The following TNRC6C variants were observed in gnomAD, a reference collection of about 807,000 sequenced individuals.
The protein encoded by TNRC6C is trinucleotide repeat-containing gene 6C protein.
TNRC6C carries 20 observed loss-of-function variants against 153.7 expected under a neutral mutation model. That is an observed-to-expected ratio of 0.13 (90% confidence interval 0.09 to 0.19). The LOEUF (loss-of-function observed/expected upper bound fraction) is 0.19. Among genes scored for constraint, TNRC6C ranks in the 10% least tolerant of loss-of-function variants. The pLI is 1.00. For missense variants in TNRC6C, 1,987 were observed against 2,172.0 expected (o/e 0.91, Z 1.69); for synonymous variants, 811 against 841.4 (o/e 0.96, Z 0.63).
chr17:78,091,634 TG>T, intron 14 of TNRC6C, 27 bp downstream of exon 16: 1 of 1,462,584 alleles, frequency 6.8e-7, no homozygotes, highest in South Asian at 1.5e-5. Flanking sequence ...ATGCCTGTGG[TG>T]GGATCACTGC....
At chr17:77,997,549 A>G (rs1050246070) in intron 1 of TNRC6C, among the ~76,000 whole-genome samples, 1 of 152,116 alleles carries the variant, frequency 6.6e-6, no homozygotes, top group Non-Finnish European at 1.5e-5. Context: ...TCTGCACTTC[A>G]TTGAAACCAC....
At chr17:77,986,912 T>C (rs1214295613) in intron 1 of TNRC6C, among the ~76,000 whole-genome samples, 1 of 152,178 alleles carries the variant, frequency 6.6e-6, no homozygotes, top group Non-Finnish European at 1.5e-5. Flanking sequence ...AAATAAACTT[T>C]AAATGAAGTA....
At chr17:78,053,095 C>T (rs942683990) in intron 3 of TNRC6C, among the ~76,000 whole-genome samples, 7 of 152,036 alleles carry the variant, frequency 4.6e-5, no homozygotes, top group African/African-American at 1.7e-4. Context: ...TCACGTTGCC[C>T]CCCGACCCCT....
chr17:77,960,290 G>T (rs1489244706), intron 1 of TNRC6C, among the ~76,000 whole-genome samples: 4 of 152,194 alleles, frequency 2.6e-5, no homozygotes, highest in African/African-American at 7.2e-5. Context: ...TTAAGGAGTT[G>T]CAAGTTGGAG....
intron 1 of TNRC6C, among the ~76,000 whole-genome samples, chr17:78,029,942 A>T: frequency 6.7e-6 from 1 of 149,640 alleles, no homozygotes; most frequent in Non-Finnish European, 1.5e-5. Flanking sequence ...ATCTCCTGTG[A>T]TAACAATGAC....
exon 20 of TNRC6C, chr17:78,106,057 A>G (rs1445279015): frequency 2.2e-5 from 2 of 91,574 alleles, no homozygotes; most frequent in East Asian, 4.5e-4. Context: ...GTTAAAGAGA[A>G]AAAAAAAAAA....
intron 1 of TNRC6C, among the ~76,000 whole-genome samples, chr17:78,009,828 C>T (rs549278787): frequency 2.6e-5 from 4 of 152,260 alleles, no homozygotes; most frequent in Non-Finnish European, 5.9e-5. Flanking sequence ...GCTGGGATTA[C>T]AGGCGTGAGC....
intron 2 of TNRC6C, among the ~76,000 whole-genome samples, chr17:78,038,678 CAAAAAAAAA>C (rs751760738): frequency 1.6e-5 from 1 of 61,244 alleles, no homozygotes; most frequent in African/African-American, 5.2e-5. Flanking sequence ...GACTCCGTGT[CAAAAAAAAA>C]AAAAAAAAAA....
intron 1 of TNRC6C, among the ~76,000 whole-genome samples, chr17:78,028,509 T>C (rs187254081): frequency 1.3e-3 from 200 of 152,220 alleles, no homozygotes; most frequent in Non-Finnish European, 2.2e-3. Context: ...AGTGGGTTCA[T>C]CCAGGACTAA....
intron 1 of TNRC6C, among the ~76,000 whole-genome samples, chr17:77,984,722 C>T (rs972754822): frequency 6.6e-6 from 1 of 152,196 alleles, no homozygotes; most frequent in East Asian, 1.9e-4. Context: ...TCCCTGTTCC[C>T]TCTTCTAGGT....
At chr17:78,103,526 C>T (rs2073634565) in exon 19 of TNRC6C, 1 of 1,613,904 alleles carries the variant, frequency 6.2e-7, no homozygotes, top group Admixed American at 1.7e-5. Flanking sequence ...AAGGAGGAGG[C>T]TGCCAAGGCC....
rs141474678 is a variant in TNRC6C, at chr17:78,071,891, C to T, written c.2859+726C>T. Among the ~76,000 whole-genome samples, 12 of 152,214 alleles carry T rather than the reference C, an allele frequency of 7.9e-5. 2 individuals are homozygous for T. Among genetic ancestry groups the T allele is most frequent in the African/African-American group, 2.6e-4 (11 of 41,524 alleles). On this transcript the variant is annotated intron_variant, in intron 6 of 19. Coordinates refer to ENST00000301624, the Ensembl canonical transcript of TNRC6C. ...CTTAGTTCCTAAGTTTCCAGTCATACGTAGGGAGAATTCATAATTGTAGGG... is the reference window on the plus strand; with the variant it reads ...CTTAGTTCCTAAGTTTCCAGTCATATGTAGGGAGAATTCATAATTGTAGGG...
At chr17:77,977,936 T>C (rs1181385783) in intron 1 of TNRC6C, among the ~76,000 whole-genome samples, 1 of 147,490 alleles carries the variant, frequency 6.8e-6, no homozygotes, top group Non-Finnish European at 1.5e-5. Flanking sequence ...CGCTCTGTCG[T>C]GCAGGCTGGA....
intron 2 of TNRC6C, among the ~76,000 whole-genome samples, chr17:78,048,280 A>G (rs1356623284): frequency 5.9e-5 from 9 of 152,116 alleles, no homozygotes; most frequent in African/African-American, 2.2e-4. Flanking sequence ...ATAAGATAGC[A>G]TTGTCTCATA....
chr17:78,022,239 G>A (rs1224168524), intron 1 of TNRC6C, among the ~76,000 whole-genome samples: 2 of 152,206 alleles, frequency 1.3e-5, no homozygotes, highest in Non-Finnish European at 2.9e-5. Flanking sequence ...AGGGAAGACT[G>A]GTTAGGAATA....
chr17:78,050,241 T>C (rs1006128659), exon 3 of TNRC6C: 1 of 1,540,100 alleles, frequency 6.5e-7, no homozygotes, highest in Non-Finnish European at 8.7e-7. Context: ...CTTCTGGAAC[T>C]ACAGCAAGTG....
intron 18 of TNRC6C, 78 bp from the exon 22 acceptor site, chr17:78,103,336 A>C (rs1375082070): frequency 6.5e-7 from 1 of 1,547,390 alleles, no homozygotes; most frequent in Non-Finnish European, 8.8e-7. Flanking sequence ...ATCCAATTTC[A>C]TACGTTTTTT....
intron 1 of TNRC6C, among the ~76,000 whole-genome samples, chr17:77,977,235 T>G (rs180793093): frequency 6.6e-6 from 1 of 152,306 alleles, no homozygotes; most frequent in East Asian, 1.9e-4. Flanking sequence ...TACATATGTA[T>G]TTAGTAAATA....
intron 1 of TNRC6C, among the ~76,000 whole-genome samples, chr17:77,988,631 AC>A (rs1413066999): frequency 6.6e-6 from 1 of 152,202 alleles, no homozygotes; most frequent in Non-Finnish European, 1.5e-5. Context: ...TGTATTTCAA[AC>A]AGTTTTTCAA....
Sources: gnomAD v4.1 joint callset for allele counts (sites outside exome capture counted in the v4.1 genomes callset) on GRCh38, gnomAD v4.1.1 for gene constraint, MANE v1.5 for transcripts, NCBI Gene and HGNC (gene_info 2026-07-23, HGNC 2026-07-21) for gene names.